Variants in MSRA observed in about 807,000 individuals in gnomAD.
MSRA encodes mitochondrial peptide methionine sulfoxide reductase.
In MSRA, 54 loss-of-function variants were observed where a neutral mutation model predicts 31.3. That is an observed-to-expected ratio of 1.73 (90% CI 1.39 to 2.17). The LOEUF (loss-of-function observed/expected upper bound fraction) is 2.17. Among genes scored for constraint, MSRA ranks in the 30% most tolerant of loss-of-function variants. The pLI is 0.00. For missense variants in MSRA, 507 were observed against 300.9 expected, an observed-to-expected ratio of 1.69 and a Z score of -5.07; for synonymous variants, 169 against 116.5, an observed-to-expected ratio of 1.45 and a Z score of -2.90.
intron 5 of MSRA, among the ~76,000 whole-genome samples, chr8:10,341,173 G>A (rs897208880): frequency 1.3e-5 from 2 of 152,198 alleles, no homozygotes; most frequent in Admixed American, 6.5e-5. Flanking sequence ...ATAAATACCT[G>A]AGACTGAGTA....
At chr8:10,371,978 A>T (rs1805503565) in intron 5 of MSRA, among the ~76,000 whole-genome samples, 1 of 152,190 alleles carries the variant, frequency 6.6e-6, no homozygotes. Flanking sequence ...ATCATCCTAC[A>T]CATGAGATTG....
intron 2 of MSRA, among the ~76,000 whole-genome samples, chr8:10,232,477 A>G (rs1309055501): frequency 6.6e-6 from 1 of 152,176 alleles, no homozygotes; most frequent in Non-Finnish European, 1.5e-5. Flanking sequence ...GATCTGGAAA[A>G]CTGCCTTTCA....
chr8:10,299,039 A>G (rs898973922), intron 3 of MSRA, among the ~76,000 whole-genome samples: 1 of 152,166 alleles, frequency 6.6e-6, no homozygotes, highest in Non-Finnish European at 1.5e-5. Context: ...ATTTCATTGT[A>G]TCCTCAACAG....
chr8:10,413,890 C>T (rs1808306124), intron 5 of MSRA, among the ~76,000 whole-genome samples: 1 of 152,136 alleles, frequency 6.6e-6, no homozygotes, highest in South Asian at 2.1e-4. Context: ...ATAGGTCAGG[C>T]ACAGTGACTT....
chr8:10,087,027 A>C (rs1419845263), intron 1 of MSRA, among the ~76,000 whole-genome samples: 1 of 152,188 alleles, frequency 6.6e-6, no homozygotes, highest in African/African-American at 2.4e-5. Flanking sequence ...CTTCTATGAC[A>C]CCAGGGAGGC....
chr8:10,349,591 A>G (rs1280257118), intron 5 of MSRA, among the ~76,000 whole-genome samples: 1 of 152,156 alleles, frequency 6.6e-6, no homozygotes, highest in Admixed American at 6.5e-5. Context: ...CCCCTCTGGG[A>G]GCCTCCCCTG....
chr8:10,155,387 G>GCT (rs917950235), intron 1 of MSRA, among the ~76,000 whole-genome samples: 2 of 152,086 alleles, frequency 1.3e-5, no homozygotes, highest in South Asian at 2.1e-4. Context: ...ATACACCCAC[G>GCT]CTCTCTCTCT....
intron 5 of MSRA, among the ~76,000 whole-genome samples, chr8:10,373,924 G>T (rs1805615742): frequency 6.6e-6 from 1 of 152,168 alleles, no homozygotes; most frequent in African/African-American, 2.4e-5. Flanking sequence ...CAATATCATG[G>T]CCATGGGCTT....
chr8:10,217,454 G>C (rs547243954), intron 2 of MSRA, among the ~76,000 whole-genome samples: 2 of 152,226 alleles, frequency 1.3e-5, no homozygotes, highest in Non-Finnish European at 1.5e-5. Flanking sequence ...ACAAGCAATG[G>C]ACCAGCTGTC....
chr8:10,254,880 G>T (rs1188086896), intron 3 of MSRA, among the ~76,000 whole-genome samples: 1 of 152,216 alleles, frequency 6.6e-6, no homozygotes. Context: ...TAGAGATCTG[G>T]AAGCGTTTAG....
intron 5 of MSRA, among the ~76,000 whole-genome samples, chr8:10,417,769 T>TGTGTGTGTGTGTGTGA (rs1808566293): frequency 6.6e-6 from 1 of 150,908 alleles, no homozygotes; most frequent in African/African-American, 2.4e-5. Context: ...TGTGTGTGTG[T>TGTGTGTGTGTGTGTGA]GTGTGTGTGT....
intron 5 of MSRA, among the ~76,000 whole-genome samples, chr8:10,415,217 C>T (rs1016173479): frequency 2.0e-5 from 3 of 152,180 alleles, no homozygotes; most frequent in Non-Finnish European, 2.9e-5. Context: ...TGGGTCCCCA[C>T]CATTCACGAT....
chr8:10,064,713 TA>T (rs1262244988), intron 1 of MSRA, among the ~76,000 whole-genome samples: 1 of 152,142 alleles, frequency 6.6e-6, no homozygotes, highest in African/African-American at 2.4e-5. Flanking sequence ...ACCTTTGATT[TA>T]AAAAAATTAG....
intron 1 of MSRA, among the ~76,000 whole-genome samples, chr8:10,101,665 C>A (rs1413112215): frequency 3.9e-5 from 6 of 152,282 alleles, no homozygotes; most frequent in African/African-American, 1.4e-4. Flanking sequence ...TGGCTTCTTT[C>A]ACTTAGCATA....
intron 1 of MSRA, among the ~76,000 whole-genome samples, chr8:10,075,922 T>C (rs1014112616): frequency 1.3e-5 from 2 of 152,204 alleles, no homozygotes; most frequent in South Asian, 4.1e-4. Context: ...AATGCTTGCT[T>C]ATTACCTCTC....
intron 1 of MSRA, among the ~76,000 whole-genome samples, chr8:10,102,059 A>G (rs1799563799): frequency 6.6e-6 from 1 of 151,982 alleles, no homozygotes; most frequent in Non-Finnish European, 1.5e-5. Context: ...CTACTTTCAA[A>G]ATCTTGCTGT....
At chr8:10,108,700 G>A (rs539262092) in intron 1 of MSRA, among the ~76,000 whole-genome samples, 26 of 152,320 alleles carry the variant, frequency 1.7e-4, no homozygotes, top group Admixed American at 3.9e-4. Context: ...GTCCTCACGA[G>A]GGGGTGTGAT....
chr8:10,166,456 A>G (rs1235438633), intron 1 of MSRA, among the ~76,000 whole-genome samples: 1 of 151,976 alleles, frequency 6.6e-6, no homozygotes, highest in Non-Finnish European at 1.5e-5. Context: ...GTGACTACAT[A>G]TGTTATATTT....
At chr8:10,175,772 C>T (rs975721201) in intron 1 of MSRA, among the ~76,000 whole-genome samples, 1 of 152,346 alleles carries the variant, frequency 6.6e-6, no homozygotes, top group South Asian at 2.1e-4. Context: ...AAAGGGTCTT[C>T]AAAACCTGTG....
Sources: gnomAD v4.1 joint callset for allele counts (sites outside exome capture counted in the v4.1 genomes callset) on GRCh38, gnomAD v4.1.1 for gene constraint, MANE v1.5 for transcripts, NCBI Gene and HGNC (gene_info 2026-07-23, HGNC 2026-07-21) for gene names.